COG5: variants seen among roughly 807,000 people sequenced by gnomAD.
COG5 encodes conserved oligomeric Golgi complex subunit 5.
A neutral mutation model predicts 110.4 loss-of-function variants in COG5; 86 were observed. The ratio of observed to expected loss-of-function variants is 0.78; its 90% confidence interval spans 0.65 to 0.93. COG5 has a LOEUF of 0.93. Among genes scored for constraint, COG5 ranks in the 40% least tolerant of loss-of-function variants. The probability of loss-of-function intolerance (pLI) is 0.00; values close to 1 mark genes in which losing one functional copy is unlikely to be tolerated. For synonymous variants in COG5, 360 were observed against 334.6 expected (o/e 1.08, Z -0.83); for missense variants, 1,077 against 987.0 (o/e 1.09, Z -1.22).
intron 11 of COG5, among the ~76,000 whole-genome samples, chr7:107,313,549 T>C (rs1037408995): frequency 6.6e-6 from 1 of 152,154 alleles, no homozygotes; most frequent in African/African-American, 2.4e-5. Context: ...TGAGCCAAAA[T>C]CAATGTGTCA....
intron 19 of COG5, among the ~76,000 whole-genome samples, chr7:107,218,080 C>A (rs529329907): frequency 6.6e-6 from 1 of 151,952 alleles, no homozygotes; most frequent in African/African-American, 2.4e-5. Context: ...CAAGAAAATA[C>A]CTACATATAA....
intron 1 of COG5, among the ~76,000 whole-genome samples, chr7:107,561,849 G>A (rs926572392): frequency 3.9e-5 from 6 of 152,232 alleles, no homozygotes; most frequent in East Asian, 1.9e-4. Flanking sequence ...AGTGATGGGC[G>A]CTTGTAGTCC....
intron 6 of COG5, among the ~76,000 whole-genome samples, chr7:107,521,715 G>T (rs905274284): frequency 6.6e-6 from 1 of 152,252 alleles, no homozygotes; most frequent in African/African-American, 2.4e-5. Context: ...AGTTGTGGAA[G>T]AAAGTGTGGC....
intron 16 of COG5, chr7:107,252,987 T>C (rs994472870): frequency 6.6e-6 from 1 of 152,110 alleles, no homozygotes; most frequent in Non-Finnish European, 1.5e-5. Context: ...ATACTTACAA[T>C]AGTAAAATAC....
In COG5 at chr7:107,357,009, T is replaced by G. The variant is rs1214339130; in HGVS notation, c.1026+5024A>C. On this transcript the variant is annotated intron_variant, in intron 10 of 21. Coordinates refer to ENST00000297135, the MANE Select transcript of COG5 (RefSeq NM_006348.5). ...TCACTCTTCAGTGACTCAAGAGATA[T>G]ATCGTTGTCTACTCAAGTTTGAAAT... 2.0e-5 allele frequency among the ~76,000 whole-genome samples: 3 copies of G among 152,156 alleles called. No homozygotes were observed. In the East Asian group the frequency reaches 5.8e-4, roughly 29 times the overall value.
At chr7:107,514,474 T>C (rs1799779008) in intron 6 of COG5, among the ~76,000 whole-genome samples, 1 of 152,172 alleles carries the variant, frequency 6.6e-6, no homozygotes, top group Non-Finnish European at 1.5e-5. Context: ...GTATAAAGTA[T>C]TCTTAGAAAG....
Position 107,203,607 on chromosome 7 carries a change from T to G in COG5, c.2399A>C (p.Gln800Pro), listed in dbSNP as rs762082725. Residue 800 changes from glutamine to proline, a missense_variant, in exon 22 of 22, where the codon CAA (glutamine) becomes CCA (proline). Coordinates refer to ENST00000297135, the MANE Select transcript of COG5 (RefSeq NM_006348.5). ...LIRGALEAYVQSVRSREGKEF... is the reference protein window; with the variant it reads ...LIRGALEAYVPSVRSREGKEF... ...TTTGCCTTCTCTACTTCTCACTGAT[T>G]GAACATAAGCTTCCAGGGCTCCCCT... 1.9e-6 allele frequency: 3 copies of G among 1,613,936 alleles called. No individual in the cohort carries two copies. In the Admixed American group the frequency reaches 5.0e-5, roughly 27 times the overall value.
rs189978218 is a variant in COG5 at position 107,477,480 on chromosome 7, A to G, written c.538+49757T>C. The stretch of plus-strand genomic sequence containing the variant: ...CTTTCATGCCTTCTTGTCCTCTGTA[A>G]TAAGAAATTAAATAAGAAATAAATG... On this transcript the variant is annotated intron_variant, in intron 6 of 21. Coordinates refer to ENST00000297135, the MANE Select transcript of COG5 (RefSeq NM_006348.5). Among the ~76,000 whole-genome samples, 14 of 151,878 alleles carry G rather than the reference A, an allele frequency of 9.2e-5. No homozygotes were observed. In the East Asian group the frequency reaches 2.7e-3, roughly 29 times the overall value.
rs1282724907 is a variant in COG5, at chr7:107,548,296, A to G, written c.329T>C (p.Leu110Ser). The G allele has an allele frequency of 1.1e-5, 17 of 1,613,610 alleles. No homozygotes were observed. Among genetic ancestry groups the G allele is most frequent in the Non-Finnish European group, 1.4e-5 (17 of 1,179,646 alleles). ...ACAGTACCTATCAACAGCTCCCTGT[A>G]AAGCCCCAATTCTCGTCTGCATCAT... ...LQMMQTRIGA[L>S]QGAVDRIKAK... The change falls in exon 4 of 22, where the codon TTA becomes TCA. Residue 110 changes from leucine to serine, a missense_variant. Physicochemically the swap from Leu to Ser is moderately radical, Grantham distance 145. Coordinates refer to ENST00000297135, the MANE Select transcript of COG5 (RefSeq NM_006348.5).
chr7:107,460,659 C>G (rs1795935084), intron 6 of COG5, among the ~76,000 whole-genome samples: 1 of 151,310 alleles, frequency 6.6e-6, no homozygotes, highest in Non-Finnish European at 1.5e-5. Context: ...TCATTAAGAA[C>G]AAAGAAATCA....
chr7:107,440,563 G>A (rs1481825385), intron 6 of COG5, among the ~76,000 whole-genome samples: 1 of 152,126 alleles, frequency 6.6e-6, no homozygotes, highest in East Asian at 1.9e-4. Context: ...ACAGCTTCAG[G>A]ATGAAGGCTG....
intron 6 of COG5, among the ~76,000 whole-genome samples, chr7:107,517,132 A>G (rs913839350): frequency 6.6e-6 from 1 of 152,222 alleles, no homozygotes; most frequent in African/African-American, 2.4e-5. Flanking sequence ...GGAGCTGCTA[A>G]CTAGAATAAC....
intron 6 of COG5, among the ~76,000 whole-genome samples, chr7:107,443,298 T>G (rs73417435): frequency 0.024 from 3,618 of 152,190 alleles, 153 homozygotes; most frequent in African/African-American, 0.081. Flanking sequence ...ATATCCACAA[T>G]AGTCAAACCT....
At chr7:107,246,040 G>A (rs1164262205) in intron 17 of COG5, among the ~76,000 whole-genome samples, 2 of 152,138 alleles carry the variant, frequency 1.3e-5, no homozygotes, top group Non-Finnish European at 2.9e-5. Flanking sequence ...GAACAGAATA[G>A]AAAGCCCAGA....
intron 14 of COG5, 53 bp downstream of exon 14, chr7:107,281,247 T>C (rs907784179): frequency 4.5e-6 from 5 of 1,116,692 alleles, no homozygotes; most frequent in Non-Finnish European, 6.8e-6. Context: ...TATTATATAG[T>C]TAGTAATTTT....
intron 6 of COG5, among the ~76,000 whole-genome samples, chr7:107,424,820 A>C (rs1484615241): frequency 6.6e-6 from 1 of 152,126 alleles, no homozygotes; most frequent in African/African-American, 2.4e-5. Context: ...TTTGTTCCCA[A>C]AGAGCTAAAC....
At chr7:107,308,150 G>A (rs1249835702) in intron 11 of COG5, among the ~76,000 whole-genome samples, 1 of 152,134 alleles carries the variant, frequency 6.6e-6, no homozygotes, top group African/African-American at 2.4e-5. Context: ...GTCCTACAGA[G>A]TTTCCCATAG....
chr7:107,387,954 T>C (rs970638692), intron 7 of COG5, among the ~76,000 whole-genome samples: 2 of 152,242 alleles, frequency 1.3e-5, no homozygotes, highest in African/African-American at 4.8e-5. Context: ...AACCTATTTT[T>C]ATCACACACA....
At chr7:107,304,880 C>T (rs1373964873) in intron 11 of COG5, among the ~76,000 whole-genome samples, 1 of 152,202 alleles carries the variant, frequency 6.6e-6, no homozygotes, top group Non-Finnish European at 1.5e-5. Flanking sequence ...TATCTGCTGA[C>T]CACTTACTAC....
Sources: allele counts gnomAD v4.1 joint callset (sites outside exome capture counted in the v4.1 genomes callset), GRCh38; gene constraint gnomAD v4.1.1; transcripts MANE v1.5; gene names NCBI Gene and HGNC (gene_info 2026-07-23, HGNC 2026-07-21).